Variants in SLC15A2 observed in about 807,000 individuals in gnomAD.
SLC15A2 encodes kidney H(+)/peptide cotransporter.
A neutral mutation model predicts 95.5 loss-of-function variants in SLC15A2; 77 were observed. That is an observed-to-expected ratio of 0.81 (90% CI 0.67 to 0.97). The LOEUF is 0.97. SLC15A2 is among the 50% of genes least tolerant of loss of function. SLC15A2 has a pLI of 0.00. For synonymous variants in SLC15A2, 306 were observed against 306.9 expected, an observed-to-expected ratio of 1.00 and a Z score of 0.03; for missense variants, 893 against 874.4, an observed-to-expected ratio of 1.02 and a Z score of -0.27.
chr3:121,904,536 G>A (rs564463144), intron 3 of SLC15A2, among the ~76,000 whole-genome samples: 5 of 152,232 alleles, frequency 3.3e-5, no homozygotes, highest in African/African-American at 1.2e-4. Context: ...TCAATACCTA[G>A]TTTATTGAGA....
In SLC15A2 at chr3:121,897,827, C is replaced by T. The variant is rs566178793; in HGVS notation, c.335+298C>T. 9.9e-5 allele frequency among the ~76,000 whole-genome samples: 15 copies of T among 152,234 alleles called. No individual in the cohort carries two copies. The East Asian group carries it at 1.5e-3, about 16-fold the overall frequency. Reference sequence around the variant, plus strand: ...TTCCATAGTTTAATATTAAATCTTGCTCTGATCTTGTTGGAGATAGACAGC... The same window carrying T: ...TTCCATAGTTTAATATTAAATCTTGTTCTGATCTTGTTGGAGATAGACAGC... On this transcript the variant is annotated intron_variant, in intron 3 of 21. Coordinates refer to ENST00000489711, the MANE Select transcript of SLC15A2 (RefSeq NM_021082.4).
intron 19 of SLC15A2, among the ~76,000 whole-genome samples, chr3:121,934,080 T>C (rs9713895): frequency 1.3e-5 from 2 of 152,038 alleles, no homozygotes; most frequent in Admixed American, 6.6e-5. Flanking sequence ...TGTAGATATG[T>C]GGCATTATTT....
rs779565425 is a variant in SLC15A2 at position 121,940,822 on chromosome 3, C to A, written c.2014-9C>A. 6.2e-7 allele frequency: 1 copy of A among 1,608,672 alleles called. No homozygotes were observed. Among genetic ancestry groups the A allele is most frequent in the Non-Finnish European group, 8.5e-7 (1 of 1,177,718 alleles). On this transcript the variant is annotated splice_polypyrimidine_tract_variant and intron_variant, in intron 21 of 21. Transcript: ENST00000489711. ...TCCATATTCTTCTCATATTTATTTC[C>A]CCCTGCAGTGGGCCGAATTCATTTT...
intron 5 of SLC15A2, among the ~76,000 whole-genome samples, chr3:121,913,955 C>T (rs1361524002): frequency 6.6e-6 from 1 of 151,110 alleles, no homozygotes; most frequent in Non-Finnish European, 1.5e-5. Context: ...CCCCCACCTC[C>T]CGCCACTCTC....
At chr3:121,903,482 A>C (rs1350417474) in intron 3 of SLC15A2, among the ~76,000 whole-genome samples, 1 of 152,188 alleles carries the variant, frequency 6.6e-6, no homozygotes, top group African/African-American at 2.4e-5. Flanking sequence ...TTATGGTTTT[A>C]GGTCTAACAT....
chr3:121,909,219 T>A (rs890212101), intron 3 of SLC15A2, among the ~76,000 whole-genome samples: 1 of 151,976 alleles, frequency 6.6e-6, no homozygotes, highest in East Asian at 1.9e-4. Flanking sequence ...TGCACCACCA[T>A]GCCTGGCAAA....
At chr3:121,905,754 T>A (rs1309367220) in intron 3 of SLC15A2, among the ~76,000 whole-genome samples, 1 of 152,086 alleles carries the variant, frequency 6.6e-6, no homozygotes, top group Non-Finnish European at 1.5e-5. Flanking sequence ...TGCTGAGGAG[T>A]GCTTTACTTC....
chr3:121,897,376 T>C lies in SLC15A2; in HGVS notation c.194-12T>C, dbSNP rs1709437735. On this transcript the variant is annotated splice_polypyrimidine_tract_variant and intron_variant, in intron 2 of 21. Coordinates refer to ENST00000489711, the MANE Select transcript of SLC15A2 (RefSeq NM_021082.4). ...TTTGTCTCCCCACGCCTCCTTTTTT[T>C]TCCCACTACAGCTGTGCTGATCCTG... 1 of 1,611,752 alleles carries C rather than the reference T, an allele frequency of 6.2e-7. No individual in the cohort carries two copies. Among genetic ancestry groups the C allele is most frequent in the Non-Finnish European group, 8.5e-7 (1 of 1,179,262 alleles).
rs1281441413 is a variant in SLC15A2, at chr3:121,943,778, T to C, written c.*2771T>C. 1 of 152,248 alleles carries C rather than the reference T, an allele frequency of 6.6e-6. No homozygotes were observed. The highest frequency in any genetic ancestry group is 1.5e-5 in the Non-Finnish European group (1 of 68,038). The allele number at this position is 152,248 out of a possible 1,614,324, so 9.4% of individuals were successfully genotyped here. On this transcript the variant is annotated 3_prime_UTR_variant, in exon 22 of 22. Transcript: ENST00000489711. The stretch of plus-strand genomic sequence containing the variant: ...TAGCCTACTACACATCTAAGTTATA[T>C]GGTATAGACTGTTTCTCCAGCTATA...
intron 3 of SLC15A2, 112 bp from the exon 4 acceptor site, chr3:121,911,462 T>TC: frequency 1.7e-6 from 1 of 598,204 alleles, no homozygotes; most frequent in Non-Finnish European, 3.0e-6. Context: ...TCCTCCTCCC[T>TC]CCTCCTCCTC....
chr3:121,916,423 A>T (rs1709895493), intron 7 of SLC15A2, among the ~76,000 whole-genome samples: 1 of 152,156 alleles, frequency 6.6e-6, no homozygotes, highest in South Asian at 2.1e-4. Flanking sequence ...CCCTTGGAAG[A>T]TATCCAGTGC....
chr3:121,902,039 G>C (rs1288864608), intron 3 of SLC15A2, among the ~76,000 whole-genome samples: 2 of 152,154 alleles, frequency 1.3e-5, no homozygotes, highest in Non-Finnish European at 2.9e-5. Flanking sequence ...GAGGAAATGG[G>C]CATCCAGAGT....
intron 13 of SLC15A2, among the ~76,000 whole-genome samples, chr3:121,926,207 AT>A (rs1710118920): frequency 6.6e-6 from 1 of 152,170 alleles, no homozygotes; most frequent in South Asian, 2.1e-4. Context: ...CAGTTTGAAT[AT>A]TTGTACCCAC....
chr3:121,921,431 A>G (rs1241741717), intron 7 of SLC15A2, among the ~76,000 whole-genome samples: 1 of 152,226 alleles, frequency 6.6e-6, no homozygotes. Context: ...GGTATCTTCT[A>G]GCAGTGTAAC....
At chr3:121,904,189 TA>T (rs1709582778) in intron 3 of SLC15A2, among the ~76,000 whole-genome samples, 1 of 152,296 alleles carries the variant, frequency 6.6e-6, no homozygotes, top group African/African-American at 2.4e-5. Context: ...GTGATTTTTG[TA>T]CATTGATTTT....
At chr3:121,932,184 G>GT (rs1288342088) in intron 19 of SLC15A2, among the ~76,000 whole-genome samples, 2 of 152,126 alleles carry the variant, frequency 1.3e-5, no homozygotes, top group Non-Finnish European at 2.9e-5. Flanking sequence ...GATTACAAGC[G>GT]TGAGTCACCG....
chr3:121,920,613 T>C (rs1007677132), intron 7 of SLC15A2, among the ~76,000 whole-genome samples: 1 of 152,210 alleles, frequency 6.6e-6, no homozygotes, highest in Non-Finnish European at 1.5e-5. Flanking sequence ...TACTTTTTTA[T>C]CTGCCCACTT....
chr3:121,905,310 C>A (rs549489877), intron 3 of SLC15A2, among the ~76,000 whole-genome samples: 1 of 152,118 alleles, frequency 6.6e-6, no homozygotes, highest in Non-Finnish European at 1.5e-5. Context: ...CTCCTGGATT[C>A]GTTGATTTTT....
At chr3:121,930,089 C>G (rs539445923) in intron 17 of SLC15A2, among the ~76,000 whole-genome samples, 10 of 152,142 alleles carry the variant, frequency 6.6e-5, no homozygotes, top group Non-Finnish European at 1.5e-4. Flanking sequence ...GGTCAGAGAG[C>G]CATGGGCCCC....
Sources: allele counts gnomAD v4.1 joint callset (sites outside exome capture counted in the v4.1 genomes callset), GRCh38; gene constraint gnomAD v4.1.1; transcripts MANE v1.5; gene names NCBI Gene and HGNC (gene_info 2026-07-23, HGNC 2026-07-21).